RIMS2: variants seen among roughly 807,000 people sequenced by gnomAD.
The protein encoded by RIMS2 is regulating synaptic membrane exocytosis protein 2.
Under a neutral mutation model 174.4 loss-of-function variants are expected in RIMS2, and 59 were observed. That is an observed-to-expected ratio of 0.34 (90% CI 0.27 to 0.42). RIMS2 has a LOEUF of 0.42. RIMS2 is among the 10% of genes least tolerant of loss of function. RIMS2 has a pLI of 1.00. For synonymous variants in RIMS2, 606 were observed against 572.5 expected (o/e 1.06, Z -0.84); for missense variants, 1,620 against 1,666.3 (o/e 0.97, Z 0.48).
chr8:104,055,890 T>C (rs556157092), intron 19 of RIMS2, among the ~76,000 whole-genome samples: 1 of 152,220 alleles, frequency 6.6e-6, no homozygotes, highest in East Asian at 1.9e-4. Context: ...CCTCTCTTTC[T>C]TCCTCTCTTC....
intron 19 of RIMS2, among the ~76,000 whole-genome samples, chr8:104,025,641 T>G (rs1021518235): frequency 2.0e-5 from 3 of 152,076 alleles, no homozygotes; most frequent in Admixed American, 1.3e-4. Flanking sequence ...AATCTGAAAA[T>G]TTTTGTTTTA....
intron 17 of RIMS2, among the ~76,000 whole-genome samples, chr8:103,991,505 T>G (rs1364899814): frequency 6.6e-6 from 1 of 151,968 alleles, no homozygotes; most frequent in Non-Finnish European, 1.5e-5. Context: ...GGTAATAAAA[T>G]GCATATGTCT....
intron 19 of RIMS2, among the ~76,000 whole-genome samples, chr8:104,123,350 C>T (rs1384509596): frequency 6.6e-6 from 1 of 151,816 alleles, no homozygotes; most frequent in Non-Finnish European, 1.5e-5. Flanking sequence ...GAAAAATCAT[C>T]TATATCTTTT....
chr8:104,010,609 T>C (rs1475884020), intron 17 of RIMS2, among the ~76,000 whole-genome samples: 1 of 152,122 alleles, frequency 6.6e-6, no homozygotes, highest in African/African-American at 2.4e-5. Context: ...TAGATAATGA[T>C]GGACAGTAGC....
intron 1 of RIMS2, among the ~76,000 whole-genome samples, chr8:103,628,331 G>T (rs947589416): frequency 6.7e-5 from 10 of 149,400 alleles, no homozygotes; most frequent in African/African-American, 2.5e-4. Context: ...AAACCCCTGG[G>T]AGTGAGTGGG....
chr8:103,537,076 G>C (rs1002553416), intron 1 of RIMS2, among the ~76,000 whole-genome samples: 1 of 152,174 alleles, frequency 6.6e-6, no homozygotes, highest in Non-Finnish European at 1.5e-5. Context: ...CATGGTTTTT[G>C]TCCTAATCTC....
intron 1 of RIMS2, among the ~76,000 whole-genome samples, chr8:103,536,419 C>G (rs1443629377): frequency 6.6e-6 from 1 of 152,010 alleles, no homozygotes; most frequent in Admixed American, 6.6e-5. Context: ...TTAAGATGTA[C>G]ATTGGTCACT....
intron 3 of RIMS2, among the ~76,000 whole-genome samples, chr8:103,771,584 C>G (rs965428317): frequency 1.3e-5 from 2 of 152,064 alleles, no homozygotes; most frequent in African/African-American, 2.4e-5. Context: ...CACCTTTTCC[C>G]CATAGTGTCA....
intron 19 of RIMS2, among the ~76,000 whole-genome samples, chr8:104,061,028 GA>G (rs943441963): frequency 1.3e-5 from 2 of 152,134 alleles, no homozygotes; most frequent in Admixed American, 6.5e-5. Context: ...GTGTGGTGCT[GA>G]AAAAAATGTA....
intron 17 of RIMS2, among the ~76,000 whole-genome samples, chr8:103,997,643 T>A (rs2095182694): frequency 6.6e-6 from 1 of 151,506 alleles, no homozygotes; most frequent in Admixed American, 6.6e-5. Context: ...AATGGAAAAA[T>A]GAATAGCACC....
At chr8:104,045,505 T>C (rs912306071) in intron 19 of RIMS2, among the ~76,000 whole-genome samples, 3 of 151,908 alleles carry the variant, frequency 2.0e-5, no homozygotes, top group Non-Finnish European at 2.9e-5. Context: ...TTAAGTTACA[T>C]GAAACAACAT....
intron 1 of RIMS2, among the ~76,000 whole-genome samples, chr8:103,669,692 G>T (rs2096721103): frequency 6.6e-6 from 1 of 152,234 alleles, no homozygotes; most frequent in African/African-American, 2.4e-5. Flanking sequence ...GCTCCAAAAT[G>T]ATTTCTGTTG....
chr8:103,871,236 C>T (rs2099110124), intron 3 of RIMS2, among the ~76,000 whole-genome samples: 1 of 152,086 alleles, frequency 6.6e-6, no homozygotes, highest in Middle Eastern at 3.2e-3. Flanking sequence ...TGGTGAAACC[C>T]CATCTGTACT....
At chr8:104,127,410 C>T (rs1409367397) in intron 19 of RIMS2, among the ~76,000 whole-genome samples, 8 of 152,136 alleles carry the variant, frequency 5.3e-5, no homozygotes. Context: ...CGGCCCAGAG[C>T]TGGTTCCTAG....
chr8:103,592,427 C>T (rs1421992291), intron 1 of RIMS2, among the ~76,000 whole-genome samples: 1 of 151,172 alleles, frequency 6.6e-6, no homozygotes, highest in Non-Finnish European at 1.5e-5. Context: ...TCCCAATTCA[C>T]CTAAAATCAT....
chr8:103,752,486 A>G (rs2097906708), intron 2 of RIMS2, among the ~76,000 whole-genome samples: 1 of 152,128 alleles, frequency 6.6e-6, no homozygotes. Context: ...AATTCTGTGA[A>G]GAAAGTCATT....
chr8:104,049,635 G>A (rs2096752805), intron 19 of RIMS2, among the ~76,000 whole-genome samples: 1 of 152,092 alleles, frequency 6.6e-6, no homozygotes, highest in Non-Finnish European at 1.5e-5. Flanking sequence ...ATGAGGTTGA[G>A]GGTTGATAAT....
chr8:103,584,786 C>A (rs759050918), intron 1 of RIMS2, among the ~76,000 whole-genome samples: 3 of 152,052 alleles, frequency 2.0e-5, no homozygotes, highest in Admixed American at 6.5e-5. Flanking sequence ...AGAAAATCAA[C>A]TTCACTGGAG....
At chr8:103,755,776 A>G (rs1347636872) in intron 2 of RIMS2, among the ~76,000 whole-genome samples, 1 of 152,100 alleles carries the variant, frequency 6.6e-6, no homozygotes, top group Non-Finnish European at 1.5e-5. Flanking sequence ...CAGCTCTATC[A>G]GTTCATTTAT....
Sources: gnomAD v4.1 joint callset for allele counts (sites outside exome capture counted in the v4.1 genomes callset) on GRCh38, gnomAD v4.1.1 for gene constraint, MANE v1.5 for transcripts, NCBI Gene and HGNC (gene_info 2026-07-23, HGNC 2026-07-21) for gene names.